Variants in ELK3 observed in about 807,000 individuals in gnomAD.
ELK3 encodes ETS domain-containing protein Elk-3.
In ELK3, 10 loss-of-function variants were observed where a neutral mutation model predicts 28.9. That is an observed-to-expected ratio of 0.35 (90% CI 0.21 to 0.59). ELK3 has a LOEUF of 0.59. Ranked by LOEUF, ELK3 falls within the 20% of genes least tolerant of loss-of-function variation. The pLI is 0.82. For missense variants in ELK3, 463 were observed against 517.3 expected, an observed-to-expected ratio of 0.90 and a Z score of 1.02; for synonymous variants, 272 against 243.5, an observed-to-expected ratio of 1.12 and a Z score of -1.09.
chr12:96,252,713 G>A (rs773067419), intron 3 of ELK3, among the ~76,000 whole-genome samples: 33 of 152,228 alleles, frequency 2.2e-4, no homozygotes, highest in South Asian at 6.2e-4. Context: ...TTGATTGGGT[G>A]AGTAGTTGCT....
At chr12:96,249,802 C>G (rs113097827) in intron 3 of ELK3, among the ~76,000 whole-genome samples, 1 of 56,506 alleles carries the variant, frequency 1.8e-5, no homozygotes, top group African/African-American at 6.7e-5. Flanking sequence ...GGGCTGAGGG[C>G]GTGAGAGAAG....
At chr12:96,251,623 A>G (rs972889663) in intron 3 of ELK3, among the ~76,000 whole-genome samples, 1 of 152,208 alleles carries the variant, frequency 6.6e-6, no homozygotes, top group African/African-American at 2.4e-5. Context: ...GAAAACATGA[A>G]TGATAAGAAA....
chr12:96,220,167 GA>G (rs1291732385), intron 1 of ELK3, among the ~76,000 whole-genome samples: 1 of 152,074 alleles, frequency 6.6e-6, no homozygotes. Flanking sequence ...GGGAGGCCCT[GA>G]AGCAGTAGGT....
intron 2 of ELK3, among the ~76,000 whole-genome samples, chr12:96,245,650 T>A (rs1951850167): frequency 6.6e-6 from 1 of 152,084 alleles, no homozygotes; most frequent in Admixed American, 6.6e-5. Context: ...TGGTGCTGGG[T>A]TTTTGTGCTT....
intron 1 of ELK3, among the ~76,000 whole-genome samples, chr12:96,220,478 C>T (rs1167419729): frequency 6.7e-6 from 1 of 148,698 alleles, no homozygotes; most frequent in Non-Finnish European, 1.5e-5. Flanking sequence ...ACCTCTGCCT[C>T]CTGGGTTCAA....
At chr12:96,265,782 A>G (rs80025073) in intron 4 of ELK3, among the ~76,000 whole-genome samples, 7,129 of 152,316 alleles carry the variant, frequency 0.047, 572 homozygotes, top group African/African-American at 0.16. Flanking sequence ...CTTTTAAACA[A>G]GAGTATAAAC....
intron 1 of ELK3, among the ~76,000 whole-genome samples, chr12:96,203,044 G>A (rs933038754): frequency 6.6e-6 from 1 of 151,636 alleles, no homozygotes; most frequent in African/African-American, 2.4e-5. Flanking sequence ...CACCCCACCT[G>A]GCTAATTTTT....
chr12:96,215,770 G>C (rs938639854), intron 1 of ELK3, among the ~76,000 whole-genome samples: 2 of 151,718 alleles, frequency 1.3e-5, no homozygotes, highest in African/African-American at 4.8e-5. Context: ...TGAGTAGCTG[G>C]GTGGACAGGC....
At chr12:96,207,135 G>T (rs911717411) in intron 1 of ELK3, among the ~76,000 whole-genome samples, 2 of 152,172 alleles carry the variant, frequency 1.3e-5, no homozygotes, top group Non-Finnish European at 2.9e-5. Context: ...GTCGGGTTTG[G>T]TTTAAACAGA....
At chr12:96,206,482 A>G (rs918128686) in intron 1 of ELK3, among the ~76,000 whole-genome samples, 2 of 151,988 alleles carry the variant, frequency 1.3e-5, no homozygotes, top group Non-Finnish European at 2.9e-5. Flanking sequence ...ATGCCCAGCT[A>G]ATTTTTGTAT....
chr12:96,216,542 G>A (rs1951620153), intron 1 of ELK3, among the ~76,000 whole-genome samples: 1 of 152,184 alleles, frequency 6.6e-6, no homozygotes, highest in South Asian at 2.1e-4. Context: ...CCTGTGTGGG[G>A]CTCATTGCCT....
intron 1 of ELK3, among the ~76,000 whole-genome samples, chr12:96,205,462 T>C (rs1425491405): frequency 1.3e-5 from 2 of 152,100 alleles, no homozygotes; most frequent in African/African-American, 2.4e-5. Flanking sequence ...CCAGAGGGCA[T>C]TGGATGGTTT....
chr12:96,243,574 G>T (rs1170734503), intron 2 of ELK3, among the ~76,000 whole-genome samples: 1 of 151,910 alleles, frequency 6.6e-6, no homozygotes, highest in Admixed American at 6.6e-5. Context: ...ATTAGGCAGG[G>T]CGTGGTGGCT....
At chr12:96,216,970 A>C (rs779795747) in intron 1 of ELK3, among the ~76,000 whole-genome samples, 3 of 152,240 alleles carry the variant, frequency 2.0e-5, no homozygotes, top group African/African-American at 7.2e-5. Flanking sequence ...AAAATAGCTA[A>C]ACAGCTGGAT....
At chr12:96,263,222 A>G (rs1418694182) in intron 4 of ELK3, among the ~76,000 whole-genome samples, 1 of 152,190 alleles carries the variant, frequency 6.6e-6, no homozygotes, top group Non-Finnish European at 1.5e-5. Context: ...AAGGAAGGAG[A>G]GAGAAGACGC....
rs2137048569 is a variant in ELK3, at chr12:96,267,447, G to C, written c.*267G>C. 3.3e-6 allele frequency: 1 copy of C among 299,106 alleles called. No individual in the cohort carries two copies. The highest frequency in any genetic ancestry group is 4.2e-5 in the South Asian group (1 of 23,542). The allele number at this position is 299,106 out of a possible 1,614,324, so 18.5% of individuals were successfully genotyped here. Reference sequence around the variant, plus strand: ...TAGCTCTTAAGTGTTGAACACTGTTGACAGTGAAGAACTTTTCTTAATGGT... The same window carrying C: ...TAGCTCTTAAGTGTTGAACACTGTTCACAGTGAAGAACTTTTCTTAATGGT... On this transcript the variant is annotated 3_prime_UTR_variant, in exon 5 of 5. Coordinates refer to ENST00000228741, the MANE Select transcript of ELK3 (RefSeq NM_005230.4).
intron 1 of ELK3, chr12:96,212,616 G>T (rs1951585576): frequency 1.3e-5 from 2 of 152,214 alleles, no homozygotes; most frequent in Admixed American, 1.3e-4. Flanking sequence ...CAGCTCTAAT[G>T]AACGGCAGCC....
chr12:96,244,686 A>C (rs1441811015), intron 2 of ELK3, among the ~76,000 whole-genome samples: 1 of 152,206 alleles, frequency 6.6e-6, no homozygotes. Context: ...ATGAGCTAAA[A>C]CTAAAAATAA....
At chr12:96,218,442 A>G (rs962056083) in intron 1 of ELK3, among the ~76,000 whole-genome samples, 6 of 152,156 alleles carry the variant, frequency 3.9e-5, no homozygotes, top group African/African-American at 7.2e-5. Flanking sequence ...AAGGACGGGA[A>G]TAATAGACTG....
Sources: gnomAD v4.1 joint callset for allele counts (sites outside exome capture counted in the v4.1 genomes callset) on GRCh38, gnomAD v4.1.1 for gene constraint, MANE v1.5 for transcripts, NCBI Gene and HGNC (gene_info 2026-07-23, HGNC 2026-07-21) for gene names.